The following MKRN1 variants were observed in gnomAD, a reference collection of about 807,000 sequenced individuals.
MKRN1 encodes the protein makorin ring finger protein 1, also known as E3 ubiquitin-protein ligase makorin-1.
A neutral mutation model predicts 55.5 loss-of-function variants in MKRN1; 9 were observed. The observed-to-expected ratio is 0.16, with a 90% CI of 0.10 to 0.28. MKRN1 has a LOEUF of 0.28. Ranked by LOEUF, MKRN1 falls within the 10% of genes least tolerant of loss-of-function variation. The pLI is 1.00. For missense variants in MKRN1, 488 were observed against 626.7 expected (o/e 0.78, Z 2.36); for synonymous variants, 253 against 235.9 (o/e 1.07, Z -0.66).
intron 6 of MKRN1, 41 bp from the exon 7 acceptor site, chr7:140,455,274 T>C (rs1312547579): frequency 6.2e-7 from 1 of 1,611,928 alleles, no homozygotes; most frequent in Non-Finnish European, 8.5e-7. Context: ...ACAGTGGATT[T>C]CAGGTCTGTA....
intron 1 of MKRN1, chr7:140,475,185 T>G: frequency 2.3e-6 from 1 of 429,902 alleles, no homozygotes; most frequent in Non-Finnish European, 4.7e-6. Context: ...CTACTAAACG[T>G]ACAAATAATT....
rs1794542814 is a variant in MKRN1 at position 140,459,013 on chromosome 7, A to G, written c.765T>C (p.His255=). The G allele has an allele frequency of 1.2e-6, 2 of 1,613,836 alleles. No homozygotes were observed. The highest frequency in any genetic ancestry group is 3.3e-5 in the Admixed American group (2 of 59,986). ...HPMDAAQRSQ[H]IKSCIEAHEK... ...CATCTCCCTAAAGACTTACTTTGAT[A>G]TGCTGCGATCTCTGGGCAGCATCCA... is the stretch of plus-strand genomic sequence containing the variant. The change falls in exon 4 of 8, where the codon CAT becomes CAC. Residue 255 remains histidine, a synonymous_variant. Transcript: ENST00000255977.
intron 4 of MKRN1, among the ~76,000 whole-genome samples, chr7:140,457,340 G>A (rs955175932): frequency 1.3e-5 from 2 of 152,128 alleles, no homozygotes; most frequent in African/African-American, 2.4e-5. Context: ...GCACACTTAG[G>A]TTAGGTTAGA....
chr7:140,461,668 G>A (rs1050612940), intron 2 of MKRN1, among the ~76,000 whole-genome samples: 14 of 151,802 alleles, frequency 9.2e-5, no homozygotes, highest in Non-Finnish European at 1.0e-4. Flanking sequence ...AGCATAGCAA[G>A]CATCTTTCTG....
intron 1 of MKRN1, chr7:140,475,121 C>A (rs1795082344): frequency 3.2e-6 from 1 of 316,364 alleles, no homozygotes; most frequent in Non-Finnish European, 6.4e-6. Context: ...GTGGGTGGAT[C>A]ACCTGAGGTC....
At chr7:140,469,598 A>C (rs1794863688) in intron 2 of MKRN1, among the ~76,000 whole-genome samples, 1 of 151,924 alleles carries the variant, frequency 6.6e-6, no homozygotes, top group South Asian at 2.1e-4. Flanking sequence ...AGCTGCAAGG[A>C]TACTAAAGTA....
chr7:140,461,025 G>A (rs1485461608), intron 2 of MKRN1, among the ~76,000 whole-genome samples: 1 of 152,218 alleles, frequency 6.6e-6, no homozygotes, highest in Non-Finnish European at 1.5e-5. Context: ...GTTTCAGATA[G>A]TTGACAGTCT....
At chr7:140,473,064 G>A (rs990179423) in intron 1 of MKRN1, among the ~76,000 whole-genome samples, 7 of 151,356 alleles carry the variant, frequency 4.6e-5, no homozygotes, top group Non-Finnish European at 2.9e-5. Context: ...GAGCCACTGC[G>A]CTCCAGCCTG....
intron 7 of MKRN1, 110 bp from the exon 8 acceptor site, chr7:140,454,839 T>A: frequency 8.3e-7 from 1 of 1,207,000 alleles, no homozygotes; most frequent in South Asian, 1.3e-5. Flanking sequence ...GAACCAGACT[T>A]CTTAGTTAGG....
At chr7:140,455,008 A>T in intron 7 of MKRN1, 87 bp downstream of exon 7, 1 of 1,540,964 alleles carries the variant, frequency 6.5e-7, no homozygotes, top group Non-Finnish European at 8.8e-7. Flanking sequence ...CCTGAGCGTT[A>T]ACCTTCTCCT....
At chr7:140,465,737 G>A (rs1794746437) in intron 2 of MKRN1, among the ~76,000 whole-genome samples, 1 of 152,122 alleles carries the variant, frequency 6.6e-6, no homozygotes, top group South Asian at 2.1e-4. Context: ...TGTGAAGAGG[G>A]AAATCCCTGG....
At position 140,455,099 on chromosome 7, in the gene MKRN1, T is replaced by C. The variant is rs1231259326; in HGVS notation, c.1232A>G (p.Tyr411Cys). 13 of 1,613,702 alleles carry C rather than the reference T, an allele frequency of 8.1e-6. No individual in the cohort carries two copies. Among genetic ancestry groups the C allele is most frequent in the Non-Finnish European group, 1.0e-5 (12 of 1,179,980 alleles). Residue 411 changes from tyrosine (Y) to cysteine (C), a missense_variant, in exon 7 of 8, where the codon TAC becomes TGC. By Grantham distance (194) the Tyr-to-Cys change is radical. Transcript: ENST00000255977. ...QRQKVGTSSRYRAQRRNHFWE... is the reference protein window; with the variant it reads ...QRQKVGTSSRCRAQRRNHFWE... Reference sequence around the variant, plus strand: ...TAAAAAAACAGTGAGAGTTACCCGGTATCTGCTTGATGTTCCCACTTTCTG... The same window carrying C: ...TAAAAAAACAGTGAGAGTTACCCGGCATCTGCTTGATGTTCCCACTTTCTG...
In MKRN1 at chr7:140,479,029, G is replaced by A. The variant is rs1048287390; in HGVS notation, c.185+131C>T. 5.3e-6 allele frequency: 6 copies of A among 1,124,982 alleles called. No individual in the cohort carries two copies. In the African/African-American group the frequency reaches 9.8e-5, roughly 18 times the overall value. 69.7% of individuals were successfully genotyped at this position (1,124,982 alleles called of 1,614,324 possible). ...CAGCGGGGGCCGCGAGGGCTGCAGAGATCGAGACAACGCCGGTCCCCGCCC... is the reference window on the plus strand; with the variant it reads ...CAGCGGGGGCCGCGAGGGCTGCAGAAATCGAGACAACGCCGGTCCCCGCCC... On this transcript the variant is annotated intron_variant, in intron 1 of 7. Coordinates refer to ENST00000255977, the MANE Select transcript of MKRN1 (RefSeq NM_013446.4).
intron 1 of MKRN1, chr7:140,474,404 G>T: frequency 2.8e-6 from 1 of 354,782 alleles, no homozygotes; most frequent in Admixed American, 3.2e-5. Flanking sequence ...TACTTGGGAG[G>T]CTGAGGCAGA....
intron 2 of MKRN1, among the ~76,000 whole-genome samples, chr7:140,468,096 G>A (rs1020250215): frequency 1.3e-5 from 2 of 150,860 alleles, no homozygotes; most frequent in Admixed American, 1.3e-4. Context: ...AGTCCATTCA[G>A]ATGAGCACTT....
chr7:140,468,002 CAA>C (rs566154288), intron 2 of MKRN1, among the ~76,000 whole-genome samples: 11 of 88,732 alleles, frequency 1.2e-4, no homozygotes, highest in East Asian at 3.3e-4. Flanking sequence ...AATTCTGTCT[CAA>C]AAAAAAAAAA....
intron 2 of MKRN1, among the ~76,000 whole-genome samples, chr7:140,464,425 C>A (rs997461111): frequency 1.3e-4 from 19 of 151,966 alleles, no homozygotes; most frequent in Non-Finnish European, 2.2e-4. Context: ...CAAAATAAGC[C>A]AGGCACGGTG....
intron 4 of MKRN1, among the ~76,000 whole-genome samples, chr7:140,458,477 C>T (rs1287562836): frequency 2.0e-5 from 3 of 152,110 alleles, no homozygotes; most frequent in African/African-American, 7.2e-5. Context: ...AAAGCAGATT[C>T]GTTATTGCCA....
intron 2 of MKRN1, among the ~76,000 whole-genome samples, chr7:140,467,724 AGG>A (rs1228176224): frequency 6.6e-6 from 1 of 151,402 alleles, no homozygotes; most frequent in East Asian, 2.0e-4. Context: ...GAGCCCAGGC[AGG>A]GGGCTGTGGC....
Sources: gnomAD v4.1 joint callset for allele counts (sites outside exome capture counted in the v4.1 genomes callset) on GRCh38, gnomAD v4.1.1 for gene constraint, MANE v1.5 for transcripts, NCBI Gene and HGNC (gene_info 2026-07-23, HGNC 2026-07-21) for gene names.